ARFGEF1: variants seen among roughly 807,000 people sequenced by gnomAD.
The protein encoded by ARFGEF1 is ARF guanine nucleotide exchange factor 1, also known as brefeldin A-inhibited guanine nucleotide-exchange protein 1.
A neutral mutation model predicts 231.0 loss-of-function variants in ARFGEF1; 42 were observed. The ratio of observed to expected loss-of-function variants is 0.18; its 90% CI spans 0.14 to 0.24. ARFGEF1 has a LOEUF of 0.24. ARFGEF1 is among the 10% of genes least tolerant of loss of function. The pLI is 1.00. For synonymous variants in ARFGEF1, 710 were observed against 732.3 expected, an observed-to-expected ratio of 0.97 and a Z score of 0.49; for missense variants, 1,345 against 2,192.0, an observed-to-expected ratio of 0.61 and a Z score of 7.72.
chr8:67,324,930 T>TTTA (rs1807762335), intron 1 of ARFGEF1, among the ~76,000 whole-genome samples: 2 of 151,804 alleles, frequency 1.3e-5, no homozygotes, highest in African/African-American at 2.4e-5. Context: ...TTTTTTTTTT[T>TTTA]GAGACAGAGT....
Position 67,289,627 on chromosome 8 carries a change from G to A in ARFGEF1, c.917-1562C>T, listed in dbSNP as rs193101810. Among the ~76,000 whole-genome samples, 226 of 149,946 alleles carry A rather than the reference G, an allele frequency of 1.5e-3. 1 individual carries two copies. The highest frequency in any genetic ancestry group is 5.4e-3 in the African/African-American group (221 of 40,772). ...CTACTTATAATAGTGGCTTCTAGGT[G>A]CCTGTCCTCCCTATAATTTCACTTT... On this transcript the variant is annotated intron_variant, in intron 6 of 38. Coordinates refer to ENST00000262215, the MANE Select transcript of ARFGEF1 (RefSeq NM_006421.5).
intron 20 of ARFGEF1, among the ~76,000 whole-genome samples, chr8:67,239,435 T>A (rs1839864588): frequency 6.6e-6 from 1 of 152,194 alleles, no homozygotes; most frequent in Non-Finnish European, 1.5e-5. Flanking sequence ...TTCATTCATT[T>A]TAAGATGATG....
At chr8:67,343,093 A>AGCGCCCCCCCCCCCCC in intron 1 of ARFGEF1, 71 bp downstream of exon 1, 1 of 184,674 alleles carries the variant, frequency 5.4e-6, no homozygotes, top group Non-Finnish European at 1.0e-5. Flanking sequence ...GGGCGACCCC[A>AGCGCCCCCCCCCCCCC]CCCCCCCACA....
At chr8:67,197,354 T>C (rs552067953), downstream of ARFGEF1, among the ~76,000 whole-genome samples, 1 of 151,772 alleles carries the variant, frequency 6.6e-6, no homozygotes, top group South Asian at 2.1e-4. Context: ...CTGGGGAGGG[T>C]GGAGTGTGAG....
At chr8:67,338,442 AC>A (rs1808449017) in intron 1 of ARFGEF1, among the ~76,000 whole-genome samples, 1 of 152,224 alleles carries the variant, frequency 6.6e-6, no homozygotes, top group Non-Finnish European at 1.5e-5. Context: ...TTCAGGAAGA[AC>A]TTCATTAAAC....
intron 5 of ARFGEF1, among the ~76,000 whole-genome samples, chr8:67,185,673 C>A (rs934450714): frequency 1.3e-5 from 2 of 152,112 alleles, no homozygotes; most frequent in Non-Finnish European, 2.9e-5. Flanking sequence ...GGAAAGCAGT[C>A]TACCCCTGGA....
intron 29 of ARFGEF1, among the ~76,000 whole-genome samples, chr8:67,220,894 TTTC>T (rs1479899648): frequency 7.7e-6 from 1 of 129,604 alleles, no homozygotes; most frequent in African/African-American, 3.3e-5. Flanking sequence ...TTTTTTTCCT[TTTC>T]TTTTTTTTTT....
At chr8:67,270,382 A>G (rs1488160042) in intron 10 of ARFGEF1, among the ~76,000 whole-genome samples, 2 of 152,216 alleles carry the variant, frequency 1.3e-5, no homozygotes. Context: ...ACAGAACATT[A>G]ACATTAAAGG....
chr8:67,244,779 G>T (rs1170225700), intron 19 of ARFGEF1, among the ~76,000 whole-genome samples: 1 of 150,394 alleles, frequency 6.6e-6, no homozygotes, highest in Non-Finnish European at 1.5e-5. Flanking sequence ...CTTCAAAGAG[G>T]CAGAGAAAGA....
At position 67,315,212 on chromosome 8, in the gene ARFGEF1, T is replaced by G. The variant is rs181666295; in HGVS notation, c.125-12746A>C. On this transcript the variant is annotated intron_variant, in intron 1 of 38. Transcript: ENST00000262215. Reference sequence around the variant, plus strand: ...AAGGGTCAAATACATCAAGAATACATAGTAATCCTAAATGTGTATATAACA... The same window carrying G: ...AAGGGTCAAATACATCAAGAATACAGAGTAATCCTAAATGTGTATATAACA... Among the ~76,000 whole-genome samples, 729 of 152,210 alleles carry G rather than the reference T, an allele frequency of 4.8e-3. 2 individuals are homozygous for G. The highest frequency in any genetic ancestry group is 0.024 in the Middle Eastern group (7 of 294).
chr8:67,322,911 A>G (rs927411338), intron 1 of ARFGEF1, among the ~76,000 whole-genome samples: 1 of 152,202 alleles, frequency 6.6e-6, no homozygotes, highest in African/African-American at 2.4e-5. Flanking sequence ...CTTTACATTC[A>G]TCAGGCTTAG....
At chr8:67,289,686 C>T (rs1297148940) in intron 6 of ARFGEF1, among the ~76,000 whole-genome samples, 1 of 150,286 alleles carries the variant, frequency 6.7e-6, no homozygotes, top group Non-Finnish European at 1.5e-5. Context: ...CCCAAAAATA[C>T]TGAATGCCAC....
intron 7 of ARFGEF1, among the ~76,000 whole-genome samples, chr8:67,279,482 C>T (rs192027029): frequency 1.3e-5 from 2 of 152,074 alleles, no homozygotes; most frequent in Non-Finnish European, 2.9e-5. Flanking sequence ...AATATTTTCA[C>T]ACACACACAC....
chr8:67,244,465 T>TA (rs1840043706), intron 19 of ARFGEF1, among the ~76,000 whole-genome samples: 1 of 148,548 alleles, frequency 6.7e-6, no homozygotes, highest in Non-Finnish European at 1.5e-5. Flanking sequence ...CAAGCCACTA[T>TA]ACCTGGCTAA....
intron 6 of ARFGEF1, 110 bp from the exon 7 acceptor site, chr8:67,288,175 AT>A: frequency 1.8e-6 from 1 of 558,622 alleles, no homozygotes; most frequent in Non-Finnish European, 3.0e-6. Flanking sequence ...AAGAAAAAAA[AT>A]CAAATAGATA....
intron 5 of ARFGEF1, among the ~76,000 whole-genome samples, chr8:67,191,819 G>T (rs1289592817): frequency 6.6e-6 from 1 of 152,168 alleles, no homozygotes; most frequent in African/African-American, 2.4e-5. Context: ...AGCATTTTGA[G>T]GAAGTACCAG....
rs868733579 is a variant in ARFGEF1, at chr8:67,292,148, A to G, written c.640-25T>C. ...ACTGGAAATAAATAAAATTTCCAAT[A>G]TTAGTAAAATAAGTTGTTTAAAATT... On this transcript the variant is annotated intron_variant, in intron 5 of 38. Coordinates refer to ENST00000262215, the MANE Select transcript of ARFGEF1 (RefSeq NM_006421.5). 6.3e-6 allele frequency: 10 copies of G among 1,592,440 alleles called. No homozygotes were observed. The Middle Eastern group carries it at 1.2e-3, about 186-fold the overall frequency.
chr8:67,311,199 C>T (rs1195925462), intron 1 of ARFGEF1, among the ~76,000 whole-genome samples: 2 of 144,796 alleles, frequency 1.4e-5, no homozygotes, highest in Non-Finnish European at 3.0e-5. Context: ...AAGTGAGGAG[C>T]CCCTCTGCCT....
downstream of ARFGEF1, among the ~76,000 whole-genome samples, chr8:67,197,219 GAGGATCACTTC>G (rs1450333737): frequency 6.6e-6 from 1 of 152,136 alleles, no homozygotes; most frequent in Non-Finnish European, 1.5e-5. Context: ...GCTGAGTTGG[GAGGATCACTTC>G]AGGTCCAAGA....
Sources: gnomAD v4.1 joint callset for allele counts (sites outside exome capture counted in the v4.1 genomes callset) on GRCh38, gnomAD v4.1.1 for gene constraint, MANE v1.5 for transcripts, NCBI Gene and HGNC (gene_info 2026-07-23, HGNC 2026-07-21) for gene names.